PPP6R2: variants seen among roughly 807,000 people sequenced by gnomAD.
The protein encoded by PPP6R2 is protein phosphatase 6 regulatory subunit 2.
PPP6R2 carries 62 observed loss-of-function variants against 100.2 expected under a neutral mutation model. That is an observed-to-expected ratio of 0.62 (90% CI 0.50 to 0.76). The LOEUF is 0.76. PPP6R2 is among the 30% of genes least tolerant of loss of function. The pLI, the probability that PPP6R2 is intolerant of heterozygous loss-of-function variation, is 0.00. For synonymous variants in PPP6R2, 525 were observed against 514.7 expected, an observed-to-expected ratio of 1.02 and a Z score of -0.27; for missense variants, 1,142 against 1,276.3, an observed-to-expected ratio of 0.89 and a Z score of 1.60.
the PPP6R2 span, among the ~76,000 whole-genome samples, chr22:50,337,825 A>AGT: frequency 5.4e-5 from 6 of 110,424 alleles, no homozygotes; most frequent in African/African-American, 1.5e-4. Context: ...ATCTGGGTAC[A>AGT]GTGTGTGTGT....
intron 1 of PPP6R2, among the ~76,000 whole-genome samples, chr22:50,368,601 A>G (rs1569307529): frequency 6.6e-6 from 1 of 152,100 alleles, no homozygotes; most frequent in Non-Finnish European, 1.5e-5. Context: ...TTCTTACTTT[A>G]TATATTTTAT....
chr22:50,444,116 G>A lies in PPP6R2; in HGVS notation c.2830G>A (p.Gly944Arg), dbSNP rs756123853. ...CACCCTGGGGACAGTGACAAAGGAC[G>A]GGTGAGCAGGTTGAGTGTGGGGGTA... ...VATLGTVTKD[G>R]KTDAPPEGAA... is the part of the protein sequence containing the mutation. Residue 944 changes from glycine to arginine, a missense_variant and splice_region_variant, in exon 23 of 24, where the codon GGG becomes AGG. Around this residue, in one of 2 missense-constraint regions of PPP6R2, gnomAD observed 550 missense variants for 517.4 expected, o/e 1.06. Coordinates refer to ENST00000612753, the MANE Select transcript of PPP6R2 (RefSeq NM_001242898.2). 3.6e-5 allele frequency: 58 copies of A among 1,611,920 alleles called. No homozygotes were observed. Among genetic ancestry groups the A allele is most frequent in the South Asian group, 9.9e-5 (9 of 91,068 alleles).
In PPP6R2 at chr22:50,374,371, T is replaced by C. The variant is rs140605403; in HGVS notation, c.-17+2221T>C. Reference sequence around the variant, plus strand: ...ACCCACCAAAATTCAACATATGGATTAAACAGATTAAACACAGATGCAGAT... The same window carrying C: ...ACCCACCAAAATTCAACATATGGATCAAACAGATTAAACACAGATGCAGAT... On this transcript the variant is annotated intron_variant, in intron 2 of 23. Coordinates refer to ENST00000612753, the MANE Select transcript of PPP6R2 (RefSeq NM_001242898.2). Among the ~76,000 whole-genome samples, 122 of 152,122 alleles carry C rather than the reference T, an allele frequency of 8.0e-4. 2 individuals are homozygous for C. In the East Asian group the frequency reaches 0.019, roughly 23 times the overall value.
chr22:50,397,147 T>C (rs1184600110), intron 3 of PPP6R2, among the ~76,000 whole-genome samples: 1 of 152,128 alleles, frequency 6.6e-6, no homozygotes, highest in Non-Finnish European at 1.5e-5. Context: ...AAGAGGACTA[T>C]GAACCTGGGG....
At chr22:50,400,917 C>G (rs1178954385) in intron 3 of PPP6R2, among the ~76,000 whole-genome samples, 1 of 152,160 alleles carries the variant, frequency 6.6e-6, no homozygotes, top group Non-Finnish European at 1.5e-5. Flanking sequence ...TCTGGGACTT[C>G]TAATGAGGTG....
intron 1 of PPP6R2, among the ~76,000 whole-genome samples, chr22:50,351,221 G>A (rs186156396): frequency 0.014 from 1,919 of 141,126 alleles, 50 homozygotes; most frequent in African/African-American, 0.048. Flanking sequence ...TGTATTTTTA[G>A]TAGAGATGGT....
At chr22:50,391,421 A>C (rs954345954) in intron 2 of PPP6R2, among the ~76,000 whole-genome samples, 4 of 119,402 alleles carry the variant, frequency 3.4e-5, no homozygotes, top group Non-Finnish European at 4.8e-5. Context: ...CTACAGAGTG[A>C]GACTCCGTCT....
chr22:50,389,988 CTTTTTTTTTCT>C (rs1198504285), intron 2 of PPP6R2, among the ~76,000 whole-genome samples: 4 of 129,270 alleles, frequency 3.1e-5, no homozygotes, highest in Middle Eastern at 4.0e-3. Context: ...TTTTCTTTTT[CTTTTTTTTTCT>C]TTTTTTTTTT....
In PPP6R2 at chr22:50,444,006, C is replaced by T. The variant is rs1009752464; in HGVS notation, c.2720C>T (p.Pro907Leu). ...CTGAGCAAGGCTGGCCCCGCCATAC[C>T]CACCCCAGCAGTCTCTTCTGCACTG... ...TALSKAGPAI[P>L]TPAVSSALAV... The change falls in exon 23 of 24, where the codon CCC becomes CTC. Residue 907 changes from proline to leucine, a missense_variant. Physicochemically the swap from Pro to Leu is moderately conservative, Grantham distance 98. Coordinates refer to ENST00000612753, the MANE Select transcript of PPP6R2 (RefSeq NM_001242898.2). 3 of 1,613,396 alleles carry T rather than the reference C, an allele frequency of 1.9e-6. No homozygotes were observed. In the South Asian group the frequency reaches 3.3e-5, roughly 18 times the overall value.
intron 4 of PPP6R2, among the ~76,000 whole-genome samples, chr22:50,412,261 G>A (rs964199681): frequency 3.3e-5 from 5 of 150,954 alleles, no homozygotes; most frequent in South Asian, 2.1e-4. Flanking sequence ...GTGTGATCTC[G>A]GCTCACTGCA....
chr22:50,346,972 T>C (rs555836994), intron 1 of PPP6R2, among the ~76,000 whole-genome samples: 1 of 151,420 alleles, frequency 6.6e-6, no homozygotes, highest in South Asian at 2.1e-4. Flanking sequence ...TGACCCCTTC[T>C]GTCAGCAATG....
chr22:50,336,543 T>G, the PPP6R2 span, among the ~76,000 whole-genome samples: 1 of 151,774 alleles, frequency 6.6e-6, no homozygotes, highest in South Asian at 2.1e-4. Context: ...GCCCAGCTAA[T>G]TTTTGTGTTT....
At chr22:50,341,494 G>T (rs556945832), upstream of PPP6R2, among the ~76,000 whole-genome samples, 4 of 151,576 alleles carry the variant, frequency 2.6e-5, no homozygotes, top group Non-Finnish European at 4.4e-5. Flanking sequence ...GTGAGCCACC[G>T]TGCCCAGGCA....
chr22:50,418,392 C>T (rs994196383), intron 6 of PPP6R2, among the ~76,000 whole-genome samples: 383 of 146,466 alleles, frequency 2.6e-3, no homozygotes, highest in Non-Finnish European at 3.4e-3. Context: ...ACATCTTTTT[C>T]TTTTTTTTTT....
intron 8 of PPP6R2, among the ~76,000 whole-genome samples, chr22:50,420,134 A>G (rs772343531): frequency 2.0e-5 from 3 of 152,228 alleles, no homozygotes; most frequent in Non-Finnish European, 2.9e-5. Context: ...AGGGTGATGC[A>G]GAGTGGCGAG....
At chr22:50,439,283 A>G (rs1268224661) in intron 19 of PPP6R2, among the ~76,000 whole-genome samples, 3 of 152,032 alleles carry the variant, frequency 2.0e-5, no homozygotes, top group African/African-American at 7.3e-5. Flanking sequence ...CAAGGGTGAC[A>G]CCCTGGGGAA....
At chr22:50,428,376 C>G (rs955414666) in intron 10 of PPP6R2, among the ~76,000 whole-genome samples, 13 of 152,086 alleles carry the variant, frequency 8.5e-5, no homozygotes, top group African/African-American at 3.1e-4. Flanking sequence ...CATTTATTAG[C>G]TCTAGCAATT....
intron 3 of PPP6R2, among the ~76,000 whole-genome samples, chr22:50,404,573 G>A (rs908945131): frequency 1.3e-5 from 2 of 148,894 alleles, no homozygotes; most frequent in African/African-American, 2.5e-5. Context: ...GTGCCACCTC[G>A]CCTGGCTAAT....
intron 3 of PPP6R2, among the ~76,000 whole-genome samples, chr22:50,398,515 CTT>C (rs539664240): frequency 1.2e-4 from 15 of 123,968 alleles, no homozygotes; most frequent in Non-Finnish European, 1.7e-4. Context: ...CATATTAAGA[CTT>C]TTTTTTTTTT....
Sources: allele counts gnomAD v4.1 joint callset (sites outside exome capture counted in the v4.1 genomes callset), GRCh38; gene constraint gnomAD v4.1.1; regional missense constraint gnomAD v4.1.1; transcripts MANE v1.5; gene names NCBI Gene and HGNC (gene_info 2026-07-23, HGNC 2026-07-21).